LYSMD1: variants seen among roughly 807,000 people sequenced by gnomAD.
LYSMD1 encodes lysM and putative peptidoglycan-binding domain-containing protein 1.
In LYSMD1, 9 loss-of-function variants were observed where a neutral mutation model predicts 19.3. The observed-to-expected ratio is 0.47, with a 90% confidence interval of 0.28 to 0.81. The LOEUF is 0.81. Among genes scored for constraint, LYSMD1 ranks in the 40% least tolerant of loss-of-function variants. The pLI, the probability that LYSMD1 is intolerant of heterozygous loss-of-function variation, is 0.11. For synonymous variants in LYSMD1, 111 were observed against 111.7 expected (o/e 0.99, Z 0.04); for missense variants, 262 against 279.8 (o/e 0.94, Z 0.45).
rs778292437 is a variant in LYSMD1, at chr1:151,165,269, T to C, written c.-11A>G. 1 of 1,609,248 alleles carries C rather than the reference T, an allele frequency of 6.2e-7. No individual in the cohort carries two copies. Among genetic ancestry groups the C allele is most frequent in the East Asian group, 2.2e-5 (1 of 44,774 alleles). ...AGACGGGGAAGCCATCTCTTCACCC[T>C]GCCAACAGCTAAGGTTGCAACTAGG... On this transcript the variant is annotated 5_prime_UTR_variant, in exon 1 of 3. Transcript: ENST00000368908.
chr1:151,149,699 C>T, the LYSMD1 span, among the ~76,000 whole-genome samples: 3 of 152,054 alleles, frequency 2.0e-5, no homozygotes, highest in South Asian at 2.1e-4. Context: ...TGCAGTGAGC[C>T]GAGATCGCAC....
At position 151,165,112 on chromosome 1, in the gene LYSMD1, G is replaced by T. The variant is rs1683624992; in HGVS notation, c.147C>A (p.Thr49=). 1 of 1,614,130 alleles carries T rather than the reference G, an allele frequency of 6.2e-7. No homozygotes were observed. Among genetic ancestry groups the T allele is most frequent in the Non-Finnish European group, 8.5e-7 (1 of 1,180,008 alleles). The change falls in exon 1 of 3, where the codon ACC becomes ACA. Residue 49 remains threonine (T), a synonymous_variant. Transcript: ENST00000368908. ...CATATTTGAGTGCTAGTCCAGCCAG[G>T]GTGTCTCCGGGCTCCAACTGATGCT... ...RLEHQLEPGD[T]LAGLALKYGV... is the part of the protein sequence containing the mutation.
Position 151,164,401 on chromosome 1 carries a change from A to C in LYSMD1, c.180+678T>G, listed in dbSNP as rs181907201. ...GCTAAATTCAACATTTGTTTGAGTG[A>C]GATGGAACAAGAAAACAGGGGCAGG... On this transcript the variant is annotated intron_variant, in intron 1 of 2. Coordinates refer to ENST00000368908, the MANE Select transcript of LYSMD1 (RefSeq NM_212551.5). 1.1e-3 allele frequency among the ~76,000 whole-genome samples: 162 copies of C among 152,330 alleles called. 1 individual carries two copies. The highest frequency in any genetic ancestry group is 3.7e-3 in the African/African-American group (153 of 41,572).
downstream of LYSMD1, chr1:151,158,745 G>A (rs1371022085): frequency 6.2e-7 from 1 of 1,613,118 alleles, no homozygotes. Flanking sequence ...CAGAGAAGAA[G>A]CTACTGAGTA....
At chr1:151,164,921 C>G (rs1457156623) in intron 1 of LYSMD1, among the ~76,000 whole-genome samples, 158 bp downstream of exon 1, 1 of 152,220 alleles carries the variant, frequency 6.6e-6, no homozygotes, top group Non-Finnish European at 1.5e-5. Context: ...TAGGGCAGGA[C>G]TTGTGCAACA....
At chr1:151,164,500 T>G (rs1020340583) in intron 1 of LYSMD1, among the ~76,000 whole-genome samples, 1 of 152,182 alleles carries the variant, frequency 6.6e-6, no homozygotes, top group African/African-American at 2.4e-5. Flanking sequence ...ATGCATGACC[T>G]GAAATACTTG....
chr1:151,154,202 G>A, the LYSMD1 span, among the ~76,000 whole-genome samples: 14 of 151,704 alleles, frequency 9.2e-5, no homozygotes, highest in African/African-American at 1.7e-4. Flanking sequence ...AATTACAGAC[G>A]GGCGCTATGG....
In LYSMD1 at chr1:151,165,671, G is replaced by T; in HGVS notation, c.-413C>A. The T allele has an allele frequency of 6.4e-7, 1 of 1,550,844 alleles. No homozygotes were observed. The highest frequency in any genetic ancestry group is 1.2e-5 in the South Asian group (1 of 84,026). The stretch of plus-strand genomic sequence containing the variant: ...CCCGGGGTTTGTTTGCTAGAGTCAG[G>T]AACAAATCAGGCCCACCCCAGGTGA... On this transcript the variant is annotated 5_prime_UTR_variant, in exon 1 of 3. Transcript: ENST00000368908.
intron 1 of LYSMD1, among the ~76,000 whole-genome samples, chr1:151,162,317 C>T (rs1179572105): frequency 6.6e-6 from 1 of 152,028 alleles, no homozygotes. Flanking sequence ...GCAAGCCAGG[C>T]GCAATGTCTG....
chr1:151,157,109 A>C (rs1376723034), downstream of LYSMD1, among the ~76,000 whole-genome samples: 1 of 152,140 alleles, frequency 6.6e-6, no homozygotes, highest in African/African-American at 2.4e-5. Context: ...CAGCGGAATA[A>C]ATGTGAGACG....
At chr1:151,163,996 C>A (rs587649541) in intron 1 of LYSMD1, among the ~76,000 whole-genome samples, 7 of 151,446 alleles carry the variant, frequency 4.6e-5, no homozygotes, top group Admixed American at 1.3e-4. Flanking sequence ...TGGGTTCAAG[C>A]GATTCTCCCG....
At chr1:151,157,204 G>A (rs587623542), downstream of LYSMD1, among the ~76,000 whole-genome samples, 1 of 152,276 alleles carries the variant, frequency 6.6e-6, no homozygotes, top group Admixed American at 6.5e-5. Flanking sequence ...TTCCGGCTGG[G>A]GAGCATGGTC....
At chr1:151,164,005 C>T (rs1044173286) in intron 1 of LYSMD1, among the ~76,000 whole-genome samples, 4 of 151,316 alleles carry the variant, frequency 2.6e-5, no homozygotes, top group South Asian at 2.1e-4. Flanking sequence ...GCGATTCTCC[C>T]GCCTCAGCCT....
intron 1 of LYSMD1, among the ~76,000 whole-genome samples, chr1:151,163,622 C>T (rs933940649): frequency 1.3e-5 from 2 of 152,024 alleles, no homozygotes; most frequent in Non-Finnish European, 2.9e-5. Context: ...TCCGCTTCCC[C>T]AGCTCAAGTG....
rs1382193326 is a variant in LYSMD1 at position 151,161,147 on chromosome 1, C to T, written c.546-127G>A. ...TGGTTGCTTCAAGACAGTCTCAGTA[C>T]CCTCTAGATAAATCCTAACCCTAAT... On this transcript the variant is annotated intron_variant, in intron 2 of 2. Transcript: ENST00000368908. The T allele has an allele frequency of 4.3e-6, 4 of 926,996 alleles. No individual in the cohort carries two copies. The African/African-American group carries it at 4.9e-5, about 11-fold the overall frequency. The allele number at this position is 926,996 out of a possible 1,614,324, so 57.4% of individuals were successfully genotyped here. A position where few individuals can be genotyped will look rare whatever the true frequency, so the allele number is the denominator to read the frequency against.
At chr1:151,164,832 A>C (rs1683605601) in intron 1 of LYSMD1, among the ~76,000 whole-genome samples, 1 of 152,208 alleles carries the variant, frequency 6.6e-6, no homozygotes, top group East Asian at 1.9e-4. Flanking sequence ...TGTGAGGGTG[A>C]AATGAGCTAA....
In LYSMD1 at chr1:151,165,337, G is replaced by A; in HGVS notation, c.-79C>T. On this transcript the variant is annotated 5_prime_UTR_variant, in exon 1 of 3. Coordinates refer to ENST00000368908, the MANE Select transcript of LYSMD1 (RefSeq NM_212551.5). ...TGCGACTGACAGGCCTGAAGTCTGG[G>A]AATGAATATTCAGGGGATTCCTTTC... is the stretch of plus-strand genomic sequence containing the variant. The A allele has an allele frequency of 1.3e-6, 2 of 1,547,572 alleles. No individual in the cohort carries two copies. Among genetic ancestry groups the A allele is most frequent in the Admixed American group, 2.0e-5 (1 of 51,194 alleles).
At chr1:151,158,237 A>C (rs1683294083), downstream of LYSMD1, among the ~76,000 whole-genome samples, 1 of 151,594 alleles carries the variant, frequency 6.6e-6, no homozygotes, top group African/African-American at 2.4e-5. Flanking sequence ...GCAGGAGAAT[A>C]GCTTGAACCC....
chr1:151,162,532 CA>C (rs1232032778), intron 1 of LYSMD1, among the ~76,000 whole-genome samples: 3 of 152,208 alleles, frequency 2.0e-5, no homozygotes, highest in Non-Finnish European at 4.4e-5. Flanking sequence ...AATTATCTAT[CA>C]AGTTAATGAC....
Sources: gnomAD v4.1 joint callset for allele counts (sites outside exome capture counted in the v4.1 genomes callset) on GRCh38, gnomAD v4.1.1 for gene constraint, MANE v1.5 for transcripts, NCBI Gene and HGNC (gene_info 2026-07-23, HGNC 2026-07-21) for gene names.